The following ADGRV1 variants were observed in gnomAD, a reference collection of about 807,000 sequenced individuals.
ADGRV1 encodes the protein adhesion G protein-coupled receptor V1.
Under a neutral mutation model 596.2 loss-of-function variants are expected in ADGRV1, and 359 were observed. The observed-to-expected ratio is 0.60, with a 90% CI of 0.55 to 0.66. The LOEUF is 0.66. Ranked by LOEUF, ADGRV1 falls within the 30% of genes least tolerant of loss-of-function variation. The pLI, the probability that ADGRV1 is intolerant of heterozygous loss-of-function variation, is 0.00. For missense variants in ADGRV1, 7,274 were observed against 7,575.6 expected, an observed-to-expected ratio of 0.96 and a Z score of 1.48; for synonymous variants, 2,681 against 2,679.2, an observed-to-expected ratio of 1.00 and a Z score of -0.02.
At chr5:90,964,496 T>C (rs1778284481) in intron 83 of ADGRV1, among the ~76,000 whole-genome samples, 1 of 152,182 alleles carries the variant, frequency 6.6e-6, no homozygotes, top group African/African-American at 2.4e-5. Context: ...CCCCCTGCCA[T>C]CTACACTCAT....
chr5:90,879,147 G>A (rs948354262), intron 83 of ADGRV1, among the ~76,000 whole-genome samples: 3 of 152,156 alleles, frequency 2.0e-5, no homozygotes. Flanking sequence ...AGCTGAATGA[G>A]GACTTCAACC....
At chr5:90,637,590 A>T in intron 10 of ADGRV1, 135 bp from the exon 11 acceptor site, 1 of 472,852 alleles carries the variant, frequency 2.1e-6, no homozygotes, top group Non-Finnish European at 3.6e-6. Context: ...TAATGCATTT[A>T]ATAGTTCGCT....
At chr5:90,833,135 G>A (rs1764658147) in intron 77 of ADGRV1, among the ~76,000 whole-genome samples, 2 of 152,270 alleles carry the variant, frequency 1.3e-5, no homozygotes, top group South Asian at 2.1e-4. Flanking sequence ...TGTGAAGAAT[G>A]TCATTGGCAT....
At chr5:90,685,551 C>A (rs1728363067) in intron 28 of ADGRV1, among the ~76,000 whole-genome samples, 1 of 151,804 alleles carries the variant, frequency 6.6e-6, no homozygotes, top group South Asian at 2.1e-4. Context: ...CGCCACTACA[C>A]TCCAACACTC....
intron 86 of ADGRV1, among the ~76,000 whole-genome samples, chr5:91,101,626 T>G (rs773872620): frequency 6.6e-5 from 10 of 152,184 alleles, no homozygotes; most frequent in Non-Finnish European, 1.2e-4. Context: ...TCTGAAAACG[T>G]CTGAAACAAA....
chr5:90,711,239 G>A lies in ADGRV1; in HGVS notation c.8959G>A (p.Glu2987Lys), dbSNP rs2149716953. The A allele has an allele frequency of 6.2e-7, 1 of 1,613,148 alleles. No homozygotes were observed. Among genetic ancestry groups the A allele is most frequent in the Non-Finnish European group, 8.5e-7 (1 of 1,179,244 alleles). Reference sequence around the variant, plus strand: ...AACATTGGTAGCCCAGAGGAGCAGAGAACCTCTTGGCCATGTTTCCTTATT... The same window carrying A: ...AACATTGGTAGCCCAGAGGAGCAGAAAACCTCTTGGCCATGTTTCCTTATT... The part of the protein sequence containing the change: ...SLTLVAQRSR[E>K]PLGHVSLFVY... The change falls in exon 41 of 90, where the codon GAA (glutamate) becomes AAA (lysine). Residue 2987 changes from glutamate to lysine, a missense_variant. Coordinates refer to ENST00000405460, the MANE Select transcript of ADGRV1 (RefSeq NM_032119.4).
chr5:90,905,335 A>G lies in ADGRV1; in HGVS notation c.17856+41478A>G, dbSNP rs1016903608. Among the ~76,000 whole-genome samples the G allele has an allele frequency of 3.9e-5, 6 of 152,186 alleles. No individual in the cohort carries two copies. In the East Asian group the frequency reaches 1.2e-3, roughly 29 times the overall value. On this transcript the variant is annotated intron_variant, in intron 83 of 89. Transcript: ENST00000405460. Reference sequence around the variant, plus strand: ...TTAGATTGCTTTGGGTAGTATGGACATTTTAGTAATGTTGATTCTTCCAAT... The same window carrying G: ...TTAGATTGCTTTGGGTAGTATGGACGTTTTAGTAATGTTGATTCTTCCAAT...
intron 1 of ADGRV1, among the ~76,000 whole-genome samples, chr5:90,566,569 C>G (rs1010796323): frequency 2.0e-4 from 30 of 152,068 alleles, no homozygotes; most frequent in African/African-American, 7.2e-4. Context: ...TCTTCCTAAG[C>G]ATTTTATTGT....
chr5:90,889,405 G>A (rs1387235844), intron 83 of ADGRV1, among the ~76,000 whole-genome samples: 1 of 152,052 alleles, frequency 6.6e-6, no homozygotes, highest in East Asian at 1.9e-4. Context: ...TTATAGAGAA[G>A]ACTTATTCAG....
At chr5:90,711,965 A>G (rs1163077304) in intron 41 of ADGRV1, among the ~76,000 whole-genome samples, 1 of 151,778 alleles carries the variant, frequency 6.6e-6, no homozygotes, top group African/African-American at 2.4e-5. Flanking sequence ...ACTGTATTTT[A>G]TATTTTTAGT....
intron 26 of ADGRV1, among the ~76,000 whole-genome samples, chr5:90,680,121 GGGCT>G (rs1178574646): frequency 6.6e-6 from 1 of 152,086 alleles, no homozygotes; most frequent in Non-Finnish European, 1.5e-5. Context: ...AGACCGAGGC[GGGCT>G]GATCACCTGA....
rs201967867 is a variant in ADGRV1, at chr5:90,998,239, G to C, written c.18152+12717G>C. ...AATGAGAAAGAAAAATGTCTCTAAA[G>C]CTTACAGTCTTCTATGAGACTGTCT... On this transcript the variant is annotated intron_variant, in intron 85 of 89. Transcript: ENST00000405460. 5.3e-5 allele frequency among the ~76,000 whole-genome samples: 8 copies of C among 152,208 alleles called. No homozygotes were observed. The East Asian group carries it at 1.5e-3, about 29-fold the overall frequency.
rs754225474 is a variant in ADGRV1 at position 90,848,736 on chromosome 5, A to G, written c.17119A>G (p.Arg5707Gly). The G allele has an allele frequency of 6.3e-7, 1 of 1,591,498 alleles. No individual in the cohort carries two copies. The highest frequency in any genetic ancestry group is 1.2e-5 in the South Asian group (1 of 86,430). Residue 5707 changes from arginine to glycine, a missense_variant, in exon 79 of 90, where the codon AGG (arginine) becomes GGG (glycine). Transcript: ENST00000405460. ...SLINPKRKDT[R>G]GFSHFAEVTE... ...TATTAACCCAAAGCGCAAGGACACT[A>G]GGGGATTCAGTCACTTTGCTGAAGT...
intron 50 of ADGRV1, among the ~76,000 whole-genome samples, chr5:90,744,766 A>G (rs1754417148): frequency 6.6e-6 from 1 of 152,240 alleles, no homozygotes; most frequent in African/African-American, 2.4e-5. Flanking sequence ...ATTAAGATGA[A>G]TATAAAAGAG....
intron 83 of ADGRV1, among the ~76,000 whole-genome samples, chr5:90,964,680 G>A (rs1038165399): frequency 4.0e-5 from 6 of 150,584 alleles, no homozygotes; most frequent in Non-Finnish European, 7.4e-5. Flanking sequence ...AACAGTCAAC[G>A]ATCCTGTCTT....
chr5:90,835,972 G>T (rs1259919727), intron 77 of ADGRV1, among the ~76,000 whole-genome samples: 2 of 152,138 alleles, frequency 1.3e-5, no homozygotes, highest in Non-Finnish European at 2.9e-5. Flanking sequence ...TACAGATGAA[G>T]AATAAGCATA....
At chr5:91,157,754 A>G (rs1273378176) in intron 89 of ADGRV1, among the ~76,000 whole-genome samples, 1 of 152,224 alleles carries the variant, frequency 6.6e-6, no homozygotes, top group East Asian at 1.9e-4. Context: ...ATGATTGTCA[A>G]AAATGAAAAA....
chr5:90,813,109 G>T (rs1159375482), intron 74 of ADGRV1, among the ~76,000 whole-genome samples: 1 of 91,828 alleles, frequency 1.1e-5, no homozygotes, highest in African/African-American at 3.6e-5. Context: ...CTCCAGCCTG[G>T]GCGACAGAGT....
At chr5:90,970,953 T>C (rs1044317358) in intron 84 of ADGRV1, among the ~76,000 whole-genome samples, 2 of 152,116 alleles carry the variant, frequency 1.3e-5, no homozygotes, top group Non-Finnish European at 2.9e-5. Context: ...GCTAAAAACC[T>C]TGAAAAAAGA....
Sources: allele counts gnomAD v4.1 joint callset (sites outside exome capture counted in the v4.1 genomes callset), GRCh38; gene constraint gnomAD v4.1.1; transcripts MANE v1.5; gene names NCBI Gene and HGNC (gene_info 2026-07-23, HGNC 2026-07-21).